The following LRP4 variants were observed in gnomAD, a reference collection of about 807,000 sequenced individuals.
The protein encoded by LRP4 is low-density lipoprotein receptor-related protein 4.
LRP4 carries 95 observed loss-of-function variants against 220.3 expected under a neutral mutation model. The observed-to-expected ratio is 0.43, with a 90% confidence interval of 0.37 to 0.51. The LOEUF is 0.51. Ranked by LOEUF, LRP4 falls within the 20% of genes least tolerant of loss-of-function variation. The probability of loss-of-function intolerance (pLI) is 0.00; values close to 1 mark genes in which losing one functional copy is unlikely to be tolerated. For synonymous variants in LRP4, 903 were observed against 954.6 expected (o/e 0.95, Z 1.00); for missense variants, 1,925 against 2,567.0 (o/e 0.75, Z 5.40).
chr11:46,863,584 C>CA (rs55744712), intron 36 of LRP4, among the ~76,000 whole-genome samples: 13,214 of 54,132 alleles, frequency 0.24, 1,125 homozygotes, highest in African/African-American at 0.29. Context: ...ACTAAAAATA[C>CA]AAAAAAAAAA....
intron 1 of LRP4, among the ~76,000 whole-genome samples, chr11:46,905,440 G>A (rs937217390): frequency 6.6e-6 from 1 of 152,200 alleles, no homozygotes; most frequent in Non-Finnish European, 1.5e-5. Flanking sequence ...ATCTCAACTG[G>A]GGATATTTTG....
In LRP4 at chr11:46,900,390, G is replaced by C. The variant is rs1250933963; in HGVS notation, c.200-12C>G. On this transcript the variant is annotated splice_polypyrimidine_tract_variant and intron_variant, in intron 2 of 37. Coordinates refer to ENST00000378623, the MANE Select transcript of LRP4 (RefSeq NM_002334.4). ...ACAGGTAGGTAGTACTGAATCCCAG[G>C]AAAAGAAAAGAAAAGTCAATCAACC... 6.7e-7 allele frequency: 1 copy of C among 1,484,410 alleles called. No individual in the cohort carries two copies. Among genetic ancestry groups the C allele is most frequent in the Non-Finnish European group, 9.4e-7 (1 of 1,061,690 alleles). 92.0% of individuals were successfully genotyped at this position (1,484,410 alleles called of 1,614,324 possible).
Position 46,890,001 on chromosome 11 carries a change from T to G in LRP4, c.2035A>C (p.Asn679His). Residue 679 changes from asparagine (N) to histidine (H), a missense_variant, in exon 15 of 38, where the codon AAC becomes CAC. Around this residue, in one of 3 missense-constraint regions of LRP4, gnomAD observed 1,244 missense variants for 1,624.9 expected, o/e 0.77. Coordinates refer to ENST00000378623, the MANE Select transcript of LRP4 (RefSeq NM_002334.4). This position sits in a 1 kb window ranked among gnomAD's most constrained non-coding sequence, Gnocchi z 5.3. Reference sequence around the variant, plus strand: ...ATGTCCATAGGGAAGTGGAGTTTGTTGCGAATGATTTCCTGGTTCTTCCCC... The same window carrying G: ...ATGTCCATAGGGAAGTGGAGTTTGTGGCGAATGATTTCCTGGTTCTTCCCC... ...FTGKNQEIIR[N>H]KLHFPMDIHT... is the part of the protein sequence containing the mutation. 1 of 1,614,148 alleles carries G rather than the reference T, an allele frequency of 6.2e-7. No individual in the cohort carries two copies. Among genetic ancestry groups the G allele is most frequent in the Non-Finnish European group, 8.5e-7 (1 of 1,180,040 alleles).
rs971080891 is a variant in LRP4 at position 46,895,813 on chromosome 11, G to A, written c.1183+71C>T. The A allele has an allele frequency of 8.2e-5, 131 of 1,597,728 alleles. No homozygotes were observed. In the Middle Eastern group the frequency reaches 2.1e-3, roughly 26 times the overall value. ...ACACCGTTCAAATGCCTGACCCATA[G>A]GAAACACAGCTGCCTGTCTGCTGCC... On this transcript the variant is annotated intron_variant, in intron 10 of 37. Coordinates refer to ENST00000378623, the MANE Select transcript of LRP4 (RefSeq NM_002334.4).
chr11:46,908,011 G>C (rs560507398), intron 1 of LRP4, among the ~76,000 whole-genome samples: 1 of 151,720 alleles, frequency 6.6e-6, no homozygotes, highest in Non-Finnish European at 1.5e-5. Flanking sequence ...CTCAGCTTAC[G>C]GCAACCTCCG....
At position 46,894,838 on chromosome 11, in the gene LRP4, A is replaced by G. The variant is rs376539831; in HGVS notation, c.1310-19T>C. ...TCTGGCCCTGGGAAACAGTATAAAC[A>G]TGGGATACCCACTGGGTTTCAGAGC... On this transcript the variant is annotated intron_variant, in intron 11 of 37. Coordinates refer to ENST00000378623, the MANE Select transcript of LRP4 (RefSeq NM_002334.4). The G allele has an allele frequency of 1.2e-6, 2 of 1,607,352 alleles. No homozygotes were observed. Among genetic ancestry groups the G allele is most frequent in the South Asian group, 1.1e-5 (1 of 90,944 alleles).
Position 46,890,864 on chromosome 11 carries a change from G to C in LRP4, c.1698-370C>G, listed in dbSNP as rs1210801310. On this transcript the variant is annotated intron_variant, in intron 13 of 37. Transcript: ENST00000378623. The surrounding 1 kb of genome is among the most constrained non-coding windows in gnomAD (Gnocchi z 5.3). ...CTGCTTTGTCCTTTCAAAGTACTGG[G>C]ATTATAGGCATGAGTCACCATGCCC... Among the ~76,000 whole-genome samples the C allele has an allele frequency of 1.3e-5, 2 of 152,092 alleles. No individual in the cohort carries two copies.
rs1940457574 is a variant in LRP4 at position 46,858,984 on chromosome 11, T to G, written c.5717A>C (p.Ter1906SerextTer18). The change falls in exon 38 of 38, where the codon TAA becomes TCA. Residue 1906 changes from the stop codon to serine (S), a stop_lost. Coordinates refer to ENST00000378623, the MANE Select transcript of LRP4 (RefSeq NM_002334.4). ...AGGCAGGGAAGAGAATGTGGGCATTTAGACCTGGCTCTCTGAGGAGAGCTT... is the reference window on the plus strand; with the variant it reads ...AGGCAGGGAAGAGAATGTGGGCATTGAGACCTGGCTCTCTGAGGAGAGCTT... ...ERKLSSESQV[*>S] The G allele has an allele frequency of 6.2e-7, 1 of 1,613,900 alleles. No homozygotes were observed. Among genetic ancestry groups the G allele is most frequent in the East Asian group, 2.2e-5 (1 of 44,882 alleles).
intron 34 of LRP4, among the ~76,000 whole-genome samples, chr11:46,865,424 A>C (rs920665743): frequency 1.8e-4 from 27 of 152,244 alleles, no homozygotes; most frequent in Admixed American, 1.8e-3. Context: ...GTACCTTTAA[A>C]AATGAGAAGC....
chr11:46,905,092 G>T (rs1259797314), intron 1 of LRP4, among the ~76,000 whole-genome samples: 1 of 151,956 alleles, frequency 6.6e-6, no homozygotes, highest in Non-Finnish European at 1.5e-5. Flanking sequence ...TCCAAGCCCA[G>T]TGCTCCTGTC....
At chr11:46,874,513 C>T (rs948039728) in intron 28 of LRP4, 30 of 428,376 alleles carry the variant, frequency 7.0e-5, no homozygotes, top group Admixed American at 7.5e-5. Context: ...TCTTGGAGCT[C>T]CCTCAGGGCA....
At chr11:46,914,435 T>C (rs1301494018) in intron 1 of LRP4, among the ~76,000 whole-genome samples, 2 of 152,238 alleles carry the variant, frequency 1.3e-5, no homozygotes, top group African/African-American at 4.8e-5. Flanking sequence ...TACGAGGAAC[T>C]CATTCCTGCC....
chr11:46,861,440 GA>G (rs1940544542), intron 37 of LRP4, among the ~76,000 whole-genome samples: 1 of 148,784 alleles, frequency 6.7e-6, no homozygotes, highest in African/African-American at 2.5e-5. Flanking sequence ...AGAGTTACAG[GA>G]TTTTAGGAAA....
In LRP4 at chr11:46,899,095, T is replaced by C. The variant is rs1017433743; in HGVS notation, c.548-63A>G. On this transcript the variant is annotated intron_variant, in intron 5 of 37. Transcript: ENST00000378623. The surrounding 1 kb of genome is among the most constrained non-coding windows in gnomAD (Gnocchi z 5.9). ...AGGCCTGGATGAAGGAGAGGGGCCC[T>C]GATTCCTCAAGCAGGCAGGATGCTC... 28 of 1,496,700 alleles carry C rather than the reference T, an allele frequency of 1.9e-5. No homozygotes were observed. Among genetic ancestry groups the C allele is most frequent in the Middle Eastern group, 1.9e-4 (1 of 5,362 alleles). The allele number at this position is 1,496,700 out of a possible 1,614,324, so 92.7% of individuals were successfully genotyped here. A position where few individuals can be genotyped will look rare whatever the true frequency, so the allele number is the denominator to read the frequency against.
intron 35 of LRP4, among the ~76,000 whole-genome samples, chr11:46,864,866 G>C (rs112766786): frequency 1.3e-5 from 2 of 152,280 alleles, no homozygotes; most frequent in African/African-American, 2.4e-5. Flanking sequence ...AATTACATGA[G>C]AGTATGTATA....
chr11:46,884,531 T>C (rs945577880), intron 18 of LRP4, among the ~76,000 whole-genome samples: 1 of 151,710 alleles, frequency 6.6e-6, no homozygotes, highest in Admixed American at 6.6e-5. Flanking sequence ...GATTAGGAGA[T>C]CGAGACCATC....
chr11:46,891,395 TGA>T (rs1235506326), intron 13 of LRP4, among the ~76,000 whole-genome samples: 1 of 151,254 alleles, frequency 6.6e-6, no homozygotes, highest in Non-Finnish European at 1.5e-5. Flanking sequence ...GTTACAAGCT[TGA>T]GTCACCATGC....
chr11:46,871,877 C>T (rs944021512), intron 30 of LRP4, among the ~76,000 whole-genome samples: 2 of 152,162 alleles, frequency 1.3e-5, no homozygotes, highest in Non-Finnish European at 2.9e-5. Flanking sequence ...GAGGAACCAC[C>T]ACCCAGCCTC....
At chr11:46,901,860 G>A (rs940130652) in intron 2 of LRP4, among the ~76,000 whole-genome samples, 4 of 151,792 alleles carry the variant, frequency 2.6e-5, no homozygotes, top group African/African-American at 9.7e-5. Context: ...AGCCTCCCAA[G>A]TAGCTGGGAC....
Sources: gnomAD v4.1 joint callset for allele counts (sites outside exome capture counted in the v4.1 genomes callset) on GRCh38, gnomAD v4.1.1 for gene constraint, gnomAD v4.1.1 regional missense constraint, Gnocchi (gnomAD v3.1) non-coding constraint, MANE v1.5 for transcripts, NCBI Gene and HGNC (gene_info 2026-07-23, HGNC 2026-07-21) for gene names.